The following TTC7B variants were observed in gnomAD, a reference collection of about 807,000 sequenced individuals.
TTC7B encodes tetratricopeptide repeat protein 7B.
Under a neutral mutation model 106.8 loss-of-function variants are expected in TTC7B, and 28 were observed. The observed-to-expected ratio is 0.26, with a 90% CI of 0.19 to 0.36. TTC7B has a LOEUF of 0.36. Among genes scored for constraint, TTC7B ranks in the 10% least tolerant of loss-of-function variants. The pLI is 1.00. For missense variants in TTC7B, 862 were observed against 1,076.4 expected (o/e 0.80, Z 2.79); for synonymous variants, 405 against 430.6 (o/e 0.94, Z 0.74).
At chr14:90,551,764 C>T (rs370749253) in intron 19 of TTC7B, among the ~76,000 whole-genome samples, 75 of 152,326 alleles carry the variant, frequency 4.9e-4, no homozygotes, top group African/African-American at 1.8e-3. Flanking sequence ...CCTTTCCTCC[C>T]GGGCGGCCCT....
intron 19 of TTC7B, among the ~76,000 whole-genome samples, chr14:90,548,010 C>T (rs1013681477): frequency 2.6e-5 from 4 of 152,126 alleles, no homozygotes; most frequent in South Asian, 2.1e-4. Context: ...AGTTGGTCTA[C>T]CTGGTTATTG....
At chr14:90,668,873 A>G (rs1276837576) in intron 9 of TTC7B, among the ~76,000 whole-genome samples, 2 of 143,678 alleles carry the variant, frequency 1.4e-5, no homozygotes, top group African/African-American at 5.2e-5. Flanking sequence ...GGAAAAGCCA[A>G]TCCTCAAACT....
At chr14:90,705,248 G>T (rs1888158290) in intron 5 of TTC7B, among the ~76,000 whole-genome samples, 1 of 152,168 alleles carries the variant, frequency 6.6e-6, no homozygotes, top group Non-Finnish European at 1.5e-5. Flanking sequence ...GCCCAGGAAA[G>T]GTCAGCCATC....
chr14:90,713,075 G>A (rs918162495), intron 5 of TTC7B, among the ~76,000 whole-genome samples: 1 of 152,046 alleles, frequency 6.6e-6, no homozygotes, highest in Non-Finnish European at 1.5e-5. Flanking sequence ...ATTGAAAACA[G>A]GGCAAAAGTT....
At chr14:90,722,417 C>T (rs1197306609) in intron 5 of TTC7B, among the ~76,000 whole-genome samples, 2 of 152,170 alleles carry the variant, frequency 1.3e-5, no homozygotes, top group African/African-American at 4.8e-5. Context: ...ATGAACTACC[C>T]TGTTCTTGAC....
rs1291947443 is a variant in TTC7B at position 90,532,024 on chromosome 14, A to G, written c.*9344T>C. 3 of 152,174 alleles carry G rather than the reference A, an allele frequency of 2.0e-5. No homozygotes were observed. The highest frequency in any genetic ancestry group is 7.2e-5 in the African/African-American group (3 of 41,388). 9.4% of individuals were successfully genotyped at this position (152,174 alleles called of 1,614,324 possible). ...TGGCAAAACTCTGTCTCTGAAAAAA[A>G]TTAGTGGGGCTTGGCATCTGTAGTC... On this transcript the variant is annotated 3_prime_UTR_variant, in exon 20 of 20. Transcript: ENST00000328459.
chr14:90,553,152 G>A (rs1349249553), intron 19 of TTC7B, among the ~76,000 whole-genome samples: 5 of 152,276 alleles, frequency 3.3e-5, no homozygotes, highest in African/African-American at 4.8e-5. Flanking sequence ...GCACTGGGGG[G>A]ACCAAGGGCT....
chr14:90,629,646 A>G (rs926570775), intron 15 of TTC7B, among the ~76,000 whole-genome samples: 3 of 152,248 alleles, frequency 2.0e-5, no homozygotes, highest in African/African-American at 7.2e-5. Flanking sequence ...GGACACTCCC[A>G]TACTCTGAAT....
At chr14:90,627,046 G>A (rs1251312970) in intron 15 of TTC7B, among the ~76,000 whole-genome samples, 2 of 152,000 alleles carry the variant, frequency 1.3e-5, no homozygotes, top group East Asian at 3.9e-4. Context: ...AAGTGCAGTG[G>A]CTCGAGGGTC....
At chr14:90,774,687 C>A (rs1042673102) in intron 3 of TTC7B, among the ~76,000 whole-genome samples, 32 of 152,256 alleles carry the variant, frequency 2.1e-4, no homozygotes, top group African/African-American at 7.0e-4. Context: ...TCAGCAACAA[C>A]TTTCCCTTCC....
chr14:90,793,971 C>T (rs1445812280), intron 1 of TTC7B, among the ~76,000 whole-genome samples: 4 of 152,000 alleles, frequency 2.6e-5, no homozygotes, highest in Non-Finnish European at 5.9e-5. Flanking sequence ...GGCACCACCT[C>T]GGCTCACTAC....
intron 7 of TTC7B, among the ~76,000 whole-genome samples, chr14:90,683,768 G>T (rs1038544825): frequency 1.2e-4 from 19 of 152,112 alleles, no homozygotes; most frequent in African/African-American, 4.6e-4. Flanking sequence ...CTGAGAGGAC[G>T]GGCCTCTCCA....
intron 4 of TTC7B, among the ~76,000 whole-genome samples, chr14:90,730,605 G>A (rs76717526): frequency 0.043 from 6,580 of 152,276 alleles, 187 homozygotes; most frequent in Non-Finnish European, 0.06. Context: ...GCAGACTGCA[G>A]CTGCAGCCCT....
At chr14:90,641,635 C>T (rs1191479491) in intron 15 of TTC7B, among the ~76,000 whole-genome samples, 1 of 152,208 alleles carries the variant, frequency 6.6e-6, no homozygotes, top group Non-Finnish European at 1.5e-5. Flanking sequence ...AAACAAGTCA[C>T]GGACTGCTCT....
At chr14:90,727,324 G>T (rs1038173712) in intron 5 of TTC7B, among the ~76,000 whole-genome samples, 4 of 152,146 alleles carry the variant, frequency 2.6e-5, no homozygotes, top group Non-Finnish European at 5.9e-5. Context: ...CCCACACAGT[G>T]GCACAGTGGT....
At chr14:90,659,598 AAC>A (rs1469142923) in intron 9 of TTC7B, among the ~76,000 whole-genome samples, 2 of 152,138 alleles carry the variant, frequency 1.3e-5, no homozygotes, top group Non-Finnish European at 1.5e-5. Context: ...GCAGTGTCAC[AAC>A]ACAGAGAGGG....
chr14:90,617,851 A>T, intron 16 of TTC7B, 78 bp downstream of exon 16: 1 of 1,140,370 alleles, frequency 8.8e-7, no homozygotes, highest in Non-Finnish European at 1.3e-6. Flanking sequence ...AATGCCTGCT[A>T]AATGCCAATC....
At chr14:90,709,458 T>C (rs1280847251) in intron 5 of TTC7B, among the ~76,000 whole-genome samples, 1 of 144,982 alleles carries the variant, frequency 6.9e-6, no homozygotes, top group Non-Finnish European at 1.5e-5. Context: ...ACACCACACG[T>C]TCTCACTCAT....
rs1284326687 is a variant in TTC7B, at chr14:90,647,092, T to C, written c.1518-69A>G. The C allele has an allele frequency of 5.2e-6, 7 of 1,348,280 alleles. No individual in the cohort carries two copies. The Admixed American group carries it at 1.2e-4, about 23-fold the overall frequency. 83.5% of individuals were successfully genotyped at this position (1,348,280 alleles called of 1,614,324 possible). On this transcript the variant is annotated intron_variant, in intron 13 of 19. Transcript: ENST00000328459. ...ATTTTTACTTTCCCTATCAAGCAAG[T>C]CTTCTCCACATTTGCATTCTTATAC...
Sources: allele counts gnomAD v4.1 joint callset (sites outside exome capture counted in the v4.1 genomes callset), GRCh38; gene constraint gnomAD v4.1.1; transcripts MANE v1.5; gene names NCBI Gene and HGNC (gene_info 2026-07-23, HGNC 2026-07-21).